The following DDX27 variants were observed in gnomAD, a reference collection of about 807,000 sequenced individuals.
DDX27 encodes the protein probable ATP-dependent RNA helicase DDX27.
DDX27 carries 42 observed loss-of-function variants against 99.3 expected under a neutral mutation model. The ratio of observed to expected loss-of-function variants is 0.42; its 90% CI spans 0.33 to 0.55. The LOEUF (loss-of-function observed/expected upper bound fraction) is 0.55. DDX27 is among the 20% of genes least tolerant of loss of function. The pLI is 0.07. For missense variants in DDX27, 798 were observed against 976.8 expected (o/e 0.82, Z 2.44); for synonymous variants, 329 against 353.8 (o/e 0.93, Z 0.79).
At chr20:49,242,037 G>C (rs1159980601) in intron 17 of DDX27, 46 bp from the exon 18 acceptor site, 1 of 1,613,844 alleles carries the variant, frequency 6.2e-7, no homozygotes. Context: ...GGGTGGGTCA[G>C]AGTGGCCTGG....
At chr20:49,233,543 G>T (rs745322904) in intron 10 of DDX27, 25 bp from the exon 11 acceptor site, 1 of 1,608,638 alleles carries the variant, frequency 6.2e-7, no homozygotes, top group Non-Finnish European at 8.5e-7. Flanking sequence ...AGAGAGCTGA[G>T]GAAACCTGGC....
intron 6 of DDX27, 113 bp downstream of exon 6, chr20:49,225,312 TG>T: frequency 4.4e-6 from 4 of 907,900 alleles, no homozygotes; most frequent in Non-Finnish European, 7.1e-6. Flanking sequence ...CCTCCCAGAG[TG>T]CTGGGATTTG....
intron 4 of DDX27, among the ~76,000 whole-genome samples, chr20:49,224,266 A>G (rs1305623351): frequency 6.6e-6 from 1 of 152,008 alleles, no homozygotes; most frequent in Admixed American, 6.6e-5. Context: ...ATCTAGCCCC[A>G]TGCGGCTGCC....
rs544361438 is a variant in DDX27 at position 49,232,127 on chromosome 20, C to T, written c.1032-1179C>T. Among the ~76,000 whole-genome samples the T allele has an allele frequency of 1.4e-3, 214 of 152,100 alleles. 2 individuals carry two copies. Among genetic ancestry groups the T allele is most frequent in the African/African-American group, 4.8e-3 (200 of 41,536 alleles). On this transcript the variant is annotated intron_variant, in intron 9 of 20. Transcript: ENST00000618172. Reference sequence around the variant, plus strand: ...GTCTTGAACTCCTGGGCTTAAGACACCCTTCTGCCTCGGCTTCCCAAAGTT... The same window carrying T: ...GTCTTGAACTCCTGGGCTTAAGACATCCTTCTGCCTCGGCTTCCCAAAGTT...
chr20:49,228,673 C>A, intron 7 of DDX27, 42 bp from the exon 8 acceptor site: 2 of 1,540,994 alleles, frequency 1.3e-6, no homozygotes, highest in South Asian at 2.4e-5. Flanking sequence ...CTGGAGGGAG[C>A]TAAACTTCTT....
intron 16 of DDX27, among the ~76,000 whole-genome samples, chr20:49,240,735 G>A (rs1225367345): frequency 6.6e-6 from 1 of 151,458 alleles, no homozygotes; most frequent in African/African-American, 2.4e-5. Flanking sequence ...CCCCCTTTTT[G>A]TTTTTTTTAA....
intron 4 of DDX27, 81 bp downstream of exon 4, chr20:49,223,514 C>T: frequency 7.7e-7 from 1 of 1,296,568 alleles, no homozygotes; most frequent in South Asian, 1.5e-5. Context: ...GTTTCCTCCA[C>T]TCTTCTGCAC....
intron 4 of DDX27, among the ~76,000 whole-genome samples, 155 bp downstream of exon 4, chr20:49,223,588 TA>T (rs1246047322): frequency 6.6e-6 from 1 of 151,214 alleles, no homozygotes; most frequent in Non-Finnish European, 1.5e-5. Flanking sequence ...TTTTTTTTTT[TA>T]AGAGATGTTG....
intron 16 of DDX27, among the ~76,000 whole-genome samples, chr20:49,239,840 TAAAC>T (rs753396519): frequency 1.2e-4 from 18 of 152,170 alleles, no homozygotes; most frequent in African/African-American, 3.9e-4. Flanking sequence ...AGTGAATGGA[TAAAC>T]AAAATTTGGG....
At chr20:49,243,603 T>C (rs200984365) in intron 19 of DDX27, 26 bp from the exon 20 acceptor site, 6 of 1,612,398 alleles carry the variant, frequency 3.7e-6, no homozygotes, top group East Asian at 4.5e-5. Flanking sequence ...AGTTTGCTCA[T>C]TTCAGCATGT....
intron 9 of DDX27, among the ~76,000 whole-genome samples, chr20:49,232,207 T>C (rs1980137076): frequency 6.6e-6 from 1 of 152,182 alleles, no homozygotes; most frequent in South Asian, 2.1e-4. Context: ...TTTGTATTTT[T>C]TGTGGAGATG....
rs778662575 is a variant in DDX27, at chr20:49,221,502, T to C, written c.144T>C (p.Ser48=). 1.2e-6 allele frequency: 2 copies of C among 1,613,786 alleles called. No individual in the cohort carries two copies. The highest frequency in any genetic ancestry group is 3.3e-5 in the Admixed American group (2 of 60,000). ...RRQKALGKNR[S]ADFNPDFVFT... ...AAAAAGCTTTGGGGAAGAACCGCAGTGCTGATTTCAACCCTGATTTCGTTT... is the reference window on the plus strand; with the variant it reads ...AAAAAGCTTTGGGGAAGAACCGCAGCGCTGATTTCAACCCTGATTTCGTTT... Residue 48 remains serine (S), a synonymous_variant, in exon 2 of 21, where the codon AGT becomes AGC. Coordinates refer to ENST00000618172, the MANE Select transcript of DDX27 (RefSeq NM_017895.8).
At chr20:49,228,623 A>T (rs1979984346) in intron 7 of DDX27, 92 bp from the exon 8 acceptor site, 1 of 1,229,204 alleles carries the variant, frequency 8.1e-7, no homozygotes, top group African/African-American at 1.6e-5. Context: ...ATTTTCCCCA[A>T]CCAGACGTAG....
chr20:49,239,447 C>A, intron 16 of DDX27, 109 bp downstream of exon 16: 1 of 742,410 alleles, frequency 1.3e-6, no homozygotes, highest in Non-Finnish European at 2.2e-6. Flanking sequence ...AACCTTTCGG[C>A]ACCAAGGACC....
intron 11 of DDX27, 109 bp from the exon 12 acceptor site, chr20:49,234,826 C>CT: frequency 7.5e-7 from 1 of 1,326,746 alleles, no homozygotes; most frequent in Non-Finnish European, 1.0e-6. Flanking sequence ...GGGACAGTGC[C>CT]TGTCTATCCA....
rs756591767 is a variant in DDX27 at position 49,234,919 on chromosome 20, C to T, written c.1274-16C>T. On this transcript the variant is annotated splice_polypyrimidine_tract_variant and intron_variant, in intron 11 of 20. Coordinates refer to ENST00000618172, the MANE Select transcript of DDX27 (RefSeq NM_017895.8). The stretch of plus-strand genomic sequence containing the variant: ...GCCTAGAAACAGCTGCCAGCTCAGT[C>T]CTCTCTTCCTGCCAGCTTTGTTGAC... 7.6e-6 allele frequency: 12 copies of T among 1,576,608 alleles called. No homozygotes were observed. Among genetic ancestry groups the T allele is most frequent in the Non-Finnish European group, 1.0e-5 (12 of 1,158,932 alleles).
chr20:49,235,044 G>A lies in DDX27; in HGVS notation c.1383G>A (p.Glu461=), dbSNP rs779961681. Residue 461 remains glutamate, a synonymous_variant, in exon 12 of 21, where the codon GAG becomes GAA. Coordinates refer to ENST00000618172, the MANE Select transcript of DDX27 (RefSeq NM_017895.8). ...GGCTCATGGGGCTGCAGGTGGGTGA[G>A]CTCCATGGCAACTTGTCACAGACGC... ...LLGLMGLQVG[E]LHGNLSQTQR... The A allele has an allele frequency of 2.5e-6, 4 of 1,612,964 alleles. No individual in the cohort carries two copies. The highest frequency in any genetic ancestry group is 3.4e-6 in the Non-Finnish European group (4 of 1,179,506).
Position 49,239,003 on chromosome 20 carries a change from C to A in DDX27, c.1742C>A (p.Ala581Glu). ...GAGAAAATGGAGAAAGATGTGTATG[C>A]AGTTCTGCAGCTAGAGGCGGAGGAA... ...KIEKMEKDVY[A>E]VLQLEAEEKE... The change falls in exon 15 of 21, where the codon GCA becomes GAA. Residue 581 changes from alanine (A) to glutamate (E), a missense_variant. Ala to Glu is a moderately radical substitution (Grantham distance 107). Transcript: ENST00000618172. 1 of 1,614,074 alleles carries A rather than the reference C, an allele frequency of 6.2e-7. No individual in the cohort carries two copies. Among genetic ancestry groups the A allele is most frequent in the Non-Finnish European group, 8.5e-7 (1 of 1,180,024 alleles).
chr20:49,236,184 G>T lies in DDX27; in HGVS notation c.1462G>T (p.Ala488Ser), dbSNP rs1358231063. The change falls in exon 13 of 21, where the codon GCC (alanine) becomes TCC (serine). Residue 488 changes from alanine (A) to serine (S), a missense_variant. Coordinates refer to ENST00000618172, the MANE Select transcript of DDX27 (RefSeq NM_017895.8). This position sits in a 1 kb window ranked among gnomAD's most constrained non-coding sequence, Gnocchi z 4.1. ...FKDEQIDILV[A>S]TDVAARGLDI... ...GGATGAACAGATTGACATCCTCGTG[G>T]CCACTGATGTGGCAGCCCGTGGACT... 1 of 1,612,598 alleles carries T rather than the reference G, an allele frequency of 6.2e-7. No homozygotes were observed. The highest frequency in any genetic ancestry group is 1.7e-5 in the Admixed American group (1 of 59,698).
Sources: allele counts gnomAD v4.1 joint callset (sites outside exome capture counted in the v4.1 genomes callset), GRCh38; gene constraint gnomAD v4.1.1; non-coding constraint Gnocchi (gnomAD v3.1); transcripts MANE v1.5; gene names NCBI Gene and HGNC (gene_info 2026-07-23, HGNC 2026-07-21).